C8orf34: variants seen among roughly 807,000 people sequenced by gnomAD.
The protein encoded by C8orf34 is uncharacterized protein C8orf34.
In C8orf34, 65 loss-of-function variants were observed where a neutral mutation model predicts 68.3. That is an observed-to-expected ratio of 0.95 (90% CI 0.78 to 1.17). The LOEUF (loss-of-function observed/expected upper bound fraction) is 1.17. Ranked by LOEUF, C8orf34 falls within the 50% of genes most tolerant of loss-of-function variation. The probability of loss-of-function intolerance (pLI) is 0.00; values close to 1 mark genes in which losing one functional copy is unlikely to be tolerated. For missense variants in C8orf34, 664 were observed against 655.4 expected (o/e 1.01, Z -0.14); for synonymous variants, 244 against 241.2 (o/e 1.01, Z -0.11).
chr8:68,437,090 C>T (rs931834812), intron 1 of C8orf34, among the ~76,000 whole-genome samples: 1 of 152,190 alleles, frequency 6.6e-6, no homozygotes, highest in East Asian at 1.9e-4. Context: ...ATGATCATTT[C>T]GCTCACGATT....
intron 7 of C8orf34, among the ~76,000 whole-genome samples, chr8:68,577,624 G>T (rs1040856103): frequency 5.3e-5 from 8 of 151,640 alleles, no homozygotes; most frequent in Non-Finnish European, 1.0e-4. Flanking sequence ...ACCACTAGGG[G>T]GTGCTAATGC....
At chr8:68,640,017 C>T (rs1164640631) in intron 7 of C8orf34, among the ~76,000 whole-genome samples, 1 of 152,118 alleles carries the variant, frequency 6.6e-6, no homozygotes, top group Non-Finnish European at 1.5e-5. Context: ...GGAGAGCTGG[C>T]AGTCATTGAC....
chr8:68,607,195 T>C (rs1429281477), intron 7 of C8orf34, among the ~76,000 whole-genome samples: 3 of 152,294 alleles, frequency 2.0e-5, no homozygotes, highest in Non-Finnish European at 4.4e-5. Context: ...CTTTGCTTCA[T>C]TGGCAGCAAG....
chr8:68,743,129 C>T (rs897864915), intron 10 of C8orf34, among the ~76,000 whole-genome samples: 4 of 152,158 alleles, frequency 2.6e-5, no homozygotes, highest in African/African-American at 9.7e-5. Context: ...GAGGAATAAT[C>T]TGGTGGTGAC....
At chr8:68,558,167 A>G (rs891021993) in intron 7 of C8orf34, among the ~76,000 whole-genome samples, 1 of 152,160 alleles carries the variant, frequency 6.6e-6, no homozygotes, top group African/African-American at 2.4e-5. Flanking sequence ...ATAGGTGAAA[A>G]CTATTATATT....
At chr8:68,614,779 T>C (rs1818144267) in intron 7 of C8orf34, among the ~76,000 whole-genome samples, 1 of 152,196 alleles carries the variant, frequency 6.6e-6, no homozygotes, top group South Asian at 2.1e-4. Flanking sequence ...TGGGCTCTTT[T>C]TTGGTTCCAC....
chr8:68,369,313 AG>A (rs1289327665), intron 1 of C8orf34, among the ~76,000 whole-genome samples: 1 of 152,206 alleles, frequency 6.6e-6, no homozygotes, highest in Non-Finnish European at 1.5e-5. Flanking sequence ...ATATGCTTAC[AG>A]GTTTGCTTCT....
At chr8:68,689,335 A>G (rs180733475) in intron 8 of C8orf34, among the ~76,000 whole-genome samples, 1 of 152,180 alleles carries the variant, frequency 6.6e-6, no homozygotes, top group African/African-American at 2.4e-5. Context: ...GGGGGAAACT[A>G]AAATCTCAGA....
At chr8:68,339,596 C>A (rs1319354874) in intron 1 of C8orf34, among the ~76,000 whole-genome samples, 2 of 151,882 alleles carry the variant, frequency 1.3e-5, no homozygotes, top group African/African-American at 4.8e-5. Context: ...TACCTGACTT[C>A]AACAGTCATT....
At chr8:68,415,000 G>C (rs1447004380) in intron 1 of C8orf34, among the ~76,000 whole-genome samples, 1 of 152,018 alleles carries the variant, frequency 6.6e-6, no homozygotes, top group East Asian at 1.9e-4. Flanking sequence ...CTTCTCCCTG[G>C]GAAACTTAAA....
At chr8:68,556,144 C>T (rs2130107920) in intron 7 of C8orf34, among the ~76,000 whole-genome samples, 1 of 151,172 alleles carries the variant, frequency 6.6e-6, no homozygotes, top group Admixed American at 6.6e-5. Flanking sequence ...TATGTCACCT[C>T]ATTTTTGAAA....
intron 1 of C8orf34, among the ~76,000 whole-genome samples, chr8:68,377,642 A>G (rs924236175): frequency 2.6e-5 from 4 of 152,144 alleles, no homozygotes; most frequent in African/African-American, 7.2e-5. Context: ...TCACATGACC[A>G]CTTTTTTGGG....
At chr8:68,468,060 A>G (rs925753811) in intron 3 of C8orf34, among the ~76,000 whole-genome samples, 8 of 151,986 alleles carry the variant, frequency 5.3e-5, no homozygotes, top group African/African-American at 1.7e-4. Flanking sequence ...ATAGTGTGAC[A>G]TGTTGATTTT....
chr8:68,582,007 C>G (rs926888571), intron 7 of C8orf34, among the ~76,000 whole-genome samples: 1 of 151,754 alleles, frequency 6.6e-6, no homozygotes, highest in Non-Finnish European at 1.5e-5. Flanking sequence ...AATTGTTTTC[C>G]CCTGTAGAGG....
At chr8:68,353,641 A>T (rs1356131834) in intron 1 of C8orf34, among the ~76,000 whole-genome samples, 1 of 146,032 alleles carries the variant, frequency 6.8e-6, no homozygotes, top group African/African-American at 2.5e-5. Flanking sequence ...TATATATTAT[A>T]TATATATATA....
At chr8:68,688,708 G>A (rs112600098) in intron 8 of C8orf34, among the ~76,000 whole-genome samples, 16,398 of 151,952 alleles carry the variant, frequency 0.11, 1,628 homozygotes, top group African/African-American at 0.27. Flanking sequence ...GCTGGAAGCC[G>A]TCATACTCAG....
At chr8:68,667,570 C>A (rs12543778) in intron 8 of C8orf34, among the ~76,000 whole-genome samples, 32,974 of 152,026 alleles carry the variant, frequency 0.22, 3,864 homozygotes, top group Middle Eastern at 0.35. Context: ...CTCAGGGCAA[C>A]AAAAGAAATA....
chr8:68,441,538 G>T (rs996716088), intron 2 of C8orf34, among the ~76,000 whole-genome samples: 1 of 151,590 alleles, frequency 6.6e-6, no homozygotes. Flanking sequence ...TAGCTCTATT[G>T]TCCAGGCTTC....
chr8:68,721,266 C>G, intron 9 of C8orf34, 95 bp from the exon 10 acceptor site: 1 of 761,044 alleles, frequency 1.3e-6, no homozygotes, highest in Non-Finnish European at 2.1e-6. Context: ...ACACCCAATT[C>G]CATCATTTTA....
Sources: gnomAD v4.1 joint callset for allele counts (sites outside exome capture counted in the v4.1 genomes callset) on GRCh38, gnomAD v4.1.1 for gene constraint, MANE v1.5 for transcripts, NCBI Gene and HGNC (gene_info 2026-07-23, HGNC 2026-07-21) for gene names.